Variants in SNX29 observed in about 807,000 individuals in gnomAD.
The protein encoded by SNX29 is sorting nexin 29, also known as sorting nexin-29.
In SNX29, 78 loss-of-function variants were observed where a neutral mutation model predicts 102.1. The ratio of observed to expected loss-of-function variants is 0.76; its 90% confidence interval spans 0.64 to 0.92. The LOEUF (loss-of-function observed/expected upper bound fraction) is 0.92, where lower values mean the gene tolerates loss of function less well. Ranked by LOEUF, SNX29 falls within the 40% of genes least tolerant of loss-of-function variation. The pLI is 0.00. For missense variants in SNX29, 1,280 were observed against 1,061.7 expected, an observed-to-expected ratio of 1.21 and a Z score of -2.86; for synonymous variants, 580 against 414.5, an observed-to-expected ratio of 1.40 and a Z score of -4.85.
chr16:12,007,510 T>A (rs1408607403), intron 3 of SNX29, among the ~76,000 whole-genome samples: 2 of 151,672 alleles, frequency 1.3e-5, no homozygotes, highest in East Asian at 1.9e-4. Flanking sequence ...CTCAAAAAAA[T>A]AATTAAAAAG....
chr16:12,430,107 G>T (rs529574966), intron 18 of SNX29, among the ~76,000 whole-genome samples: 4 of 152,328 alleles, frequency 2.6e-5, no homozygotes, highest in Admixed American at 2.0e-4. Flanking sequence ...TGTGAACTGT[G>T]CATACAAGGG....
intron 15 of SNX29, among the ~76,000 whole-genome samples, chr16:12,355,118 C>T (rs2082094426): frequency 6.6e-6 from 1 of 152,104 alleles, no homozygotes; most frequent in Non-Finnish European, 1.5e-5. Context: ...TGGCTTCTCT[C>T]ACTGATGAAG....
In SNX29 at chr16:11,986,024, C is replaced by T. The variant is rs538328419; in HGVS notation, c.7+9211C>T. ...TTCACCATGTTGGCTAGACTGGTCT[C>T]GAACTCCTGACCTCAGGTGATTCAC... is the stretch of plus-strand genomic sequence containing the variant. On this transcript the variant is annotated intron_variant, in intron 1 of 20. Transcript: ENST00000566228. Among the ~76,000 whole-genome samples, 775 of 151,922 alleles carry T rather than the reference C, an allele frequency of 5.1e-3. 4 individuals are homozygous for T. Among genetic ancestry groups the T allele is most frequent in the Non-Finnish European group, 8.8e-3 (597 of 67,950 alleles).
At chr16:12,339,686 A>T (rs2081557154) in intron 15 of SNX29, among the ~76,000 whole-genome samples, 1 of 152,168 alleles carries the variant, frequency 6.6e-6, no homozygotes, top group Non-Finnish European at 1.5e-5. Context: ...TCTATATGTG[A>T]TGGATCCTAG....
chr16:12,462,989 A>G (rs2086874785), intron 18 of SNX29, among the ~76,000 whole-genome samples: 1 of 152,172 alleles, frequency 6.6e-6, no homozygotes, highest in South Asian at 2.1e-4. Context: ...TAGCTCCCAT[A>G]GCAGTGACTC....
intron 16 of SNX29, among the ~76,000 whole-genome samples, chr16:12,359,297 C>T (rs1290681869): frequency 2.6e-5 from 4 of 152,208 alleles, no homozygotes; most frequent in African/African-American, 7.2e-5. Flanking sequence ...TGTGGTATGA[C>T]AGCAGAAGGA....
intron 11 of SNX29, among the ~76,000 whole-genome samples, chr16:12,091,592 C>T (rs908512603): frequency 2.6e-5 from 4 of 151,674 alleles, no homozygotes; most frequent in African/African-American, 4.8e-5. Flanking sequence ...TCGAGACCAG[C>T]CTGAGTAGCA....
At chr16:12,545,557 A>T (rs1258632430) in intron 20 of SNX29, 1 of 152,216 alleles carries the variant, frequency 6.6e-6, no homozygotes, top group Non-Finnish European at 1.5e-5. Context: ...CTTATGGAGA[A>T]ACGTTTGAGT....
intron 19 of SNX29, among the ~76,000 whole-genome samples, chr16:12,478,080 G>T (rs1247496726): frequency 6.6e-6 from 1 of 152,160 alleles, no homozygotes; most frequent in East Asian, 1.9e-4. Flanking sequence ...TTTCTCTAGG[G>T]CAAGAAGTTG....
At chr16:12,428,119 A>G (rs1201571909) in intron 18 of SNX29, among the ~76,000 whole-genome samples, 4 of 152,196 alleles carry the variant, frequency 2.6e-5, no homozygotes, top group Non-Finnish European at 5.9e-5. Flanking sequence ...TTTTTCCCCC[A>G]ACTGTAATTC....
intron 13 of SNX29, among the ~76,000 whole-genome samples, chr16:12,144,320 A>T (rs903357250): frequency 2.0e-5 from 3 of 152,196 alleles, no homozygotes; most frequent in Admixed American, 6.5e-5. Flanking sequence ...AACATTTGTC[A>T]TTTTTGTTTT....
intron 20 of SNX29, among the ~76,000 whole-genome samples, chr16:12,534,626 T>C (rs1597789935): frequency 6.6e-6 from 1 of 152,208 alleles, no homozygotes. Flanking sequence ...GCAAATTCCA[T>C]TCATGGGTAA....
intron 16 of SNX29, among the ~76,000 whole-genome samples, chr16:12,383,471 C>G (rs181102018): frequency 2.6e-5 from 4 of 152,048 alleles, no homozygotes; most frequent in African/African-American, 4.8e-5. Context: ...GAGTCTCGCT[C>G]TCTTGCCCAG....
In SNX29 at chr16:12,398,462, G is replaced by A. The variant is rs1036451535; in HGVS notation, c.1916G>A (p.Ser639Asn). 6.8e-6 allele frequency: 11 copies of A among 1,613,894 alleles called. No homozygotes were observed. The highest frequency in any genetic ancestry group is 8.5e-6 in the Non-Finnish European group (10 of 1,179,894). Residue 639 changes from serine to asparagine, a missense_variant, in exon 17 of 21, where the codon AGT (serine) becomes AAT (asparagine). Coordinates refer to ENST00000566228, the MANE Select transcript of SNX29 (RefSeq NM_032167.5). ...TGATGGTAGGTGCCTGGAGATTTGAGTCAAACGTCCGAAGACCAGAGTTTG... is the reference window on the plus strand; with the variant it reads ...TGATGGTAGGTGCCTGGAGATTTGAATCAAACGTCCGAAGACCAGAGTTTG... Reference protein sequence around the residue: ...DLRGPVPGDLSQTSEDQSLSD... With the variant: ...DLRGPVPGDLNQTSEDQSLSD...
At position 12,511,139 on chromosome 16, in the gene SNX29, A is replaced by G. The variant is rs117573340; in HGVS notation, c.2179-13563A>G. Among the ~76,000 whole-genome samples the G allele has an allele frequency of 7.3e-3, 1,114 of 151,964 alleles. 7 individuals are homozygous for G. The highest frequency in any genetic ancestry group is 0.013 in the Non-Finnish European group (856 of 67,954). ...CTGTGCCAGGAGGAAAGTTTTTGGAACTCTGGTATTTTGGTTCACCCTATG... is the reference window on the plus strand; with the variant it reads ...CTGTGCCAGGAGGAAAGTTTTTGGAGCTCTGGTATTTTGGTTCACCCTATG... On this transcript the variant is annotated intron_variant, in intron 19 of 20. Coordinates refer to ENST00000566228, the MANE Select transcript of SNX29 (RefSeq NM_032167.5).
intron 14 of SNX29, among the ~76,000 whole-genome samples, chr16:12,239,398 C>G (rs1273909485): frequency 6.6e-6 from 1 of 152,018 alleles, no homozygotes; most frequent in Non-Finnish European, 1.5e-5. Flanking sequence ...TCGTATGTAG[C>G]CTACTGGACC....
chr16:12,013,797 G>A (rs763531149), intron 3 of SNX29, among the ~76,000 whole-genome samples: 4 of 147,630 alleles, frequency 2.7e-5, no homozygotes, highest in Admixed American at 6.9e-5. Flanking sequence ...GGTACATGCC[G>A]CCATACCCGG....
Position 12,573,863 on chromosome 16 carries a change from C to T in SNX29, c.*5234C>T, listed in dbSNP as rs747155954. ...GACTCATCCTAAGAAGAATGTTGGC[C>T]TCTCTTCATCCCTGGCTTAGCCGTC... On this transcript the variant is annotated 3_prime_UTR_variant, in exon 21 of 21. Transcript: ENST00000566228. The T allele has an allele frequency of 1.4e-5, 3 of 210,370 alleles. No homozygotes were observed. The highest frequency in any genetic ancestry group is 2.9e-5 in the Non-Finnish European group (3 of 103,634). 13.0% of individuals were successfully genotyped at this position (210,370 alleles called of 1,614,324 possible).
intron 13 of SNX29, among the ~76,000 whole-genome samples, chr16:12,143,998 TG>T (rs1167617000): frequency 6.6e-6 from 1 of 152,154 alleles, no homozygotes; most frequent in Non-Finnish European, 1.5e-5. Flanking sequence ...CAAACCTTAA[TG>T]TACCCACGAA....
Sources: gnomAD v4.1 joint callset for allele counts (sites outside exome capture counted in the v4.1 genomes callset) on GRCh38, gnomAD v4.1.1 for gene constraint, MANE v1.5 for transcripts, NCBI Gene and HGNC (gene_info 2026-07-23, HGNC 2026-07-21) for gene names.